The following LYPD6B variants were observed in gnomAD, a reference collection of about 807,000 sequenced individuals.
LYPD6B encodes ly6/PLAUR domain-containing protein 6B.
LYPD6B carries 17 observed loss-of-function variants against 22.8 expected under a neutral mutation model. The observed-to-expected ratio is 0.75, with a 90% confidence interval of 0.51 to 1.12. The LOEUF (loss-of-function observed/expected upper bound fraction) is 1.12. Among genes scored for constraint, LYPD6B ranks in the 50% most tolerant of loss-of-function variants. The pLI, the probability that LYPD6B is intolerant of heterozygous loss-of-function variation, is 0.00. For synonymous variants in LYPD6B, 106 were observed against 91.6 expected (o/e 1.16, Z -0.90); for missense variants, 221 against 258.3 (o/e 0.86, Z 0.99).
chr2:149,167,032 A>G (rs1690470035), intron 3 of LYPD6B, among the ~76,000 whole-genome samples: 1 of 151,910 alleles, frequency 6.6e-6, no homozygotes, highest in Non-Finnish European at 1.5e-5. Context: ...TGAAGAGTTT[A>G]TAATCCTCTT....
intron 2 of LYPD6B, among the ~76,000 whole-genome samples, chr2:149,133,855 C>T (rs1470471388): frequency 2.6e-5 from 4 of 152,068 alleles, no homozygotes; most frequent in African/African-American, 9.7e-5. Flanking sequence ...TTATTGAATG[C>T]CTTCTTGGTG....
intron 2 of LYPD6B, among the ~76,000 whole-genome samples, chr2:149,156,130 A>G (rs571140946): frequency 5.3e-5 from 8 of 152,318 alleles, no homozygotes; most frequent in Admixed American, 3.9e-4. Context: ...TGCTGTTTGC[A>G]GTGGAACCTC....
intron 1 of LYPD6B, among the ~76,000 whole-genome samples, chr2:149,044,363 G>C (rs1028427507): frequency 2.0e-5 from 3 of 151,948 alleles, no homozygotes; most frequent in African/African-American, 7.2e-5. Context: ...TTTATACTTA[G>C]GTATTTCATT....
At chr2:149,210,088 A>G (rs983868030) in intron 5 of LYPD6B, among the ~76,000 whole-genome samples, 1 of 152,194 alleles carries the variant, frequency 6.6e-6, no homozygotes, top group Non-Finnish European at 1.5e-5. Context: ...CCAACCTGGT[A>G]GGCCTTATCT....
intron 1 of LYPD6B, among the ~76,000 whole-genome samples, chr2:149,070,923 G>A (rs1684574934): frequency 6.6e-6 from 1 of 152,230 alleles, no homozygotes; most frequent in Non-Finnish European, 1.5e-5. Context: ...AAATGACAGA[G>A]CATATTCGCC....
chr2:149,098,643 A>AAAAAAAAAAAAAAAAAAAAAGAAAG (rs57783804), intron 1 of LYPD6B, among the ~76,000 whole-genome samples: 55 of 130,950 alleles, frequency 4.2e-4, no homozygotes, highest in Non-Finnish European at 6.0e-4. Flanking sequence ...AAAAAAAAAA[A>AAAAAAAAAAAAAAAAAAAAAGAAAG]AAAAAAGAAA....
chr2:149,181,029 A>G (rs1691681029), intron 3 of LYPD6B, among the ~76,000 whole-genome samples: 1 of 152,162 alleles, frequency 6.6e-6, no homozygotes. Flanking sequence ...TTACCCAAAT[A>G]AAATTTTGTC....
intron 1 of LYPD6B, among the ~76,000 whole-genome samples, chr2:149,078,334 A>G (rs1015172510): frequency 6.6e-6 from 1 of 152,162 alleles, no homozygotes; most frequent in Non-Finnish European, 1.5e-5. Context: ...AATGTTCTGT[A>G]CATATAACAT....
intron 2 of LYPD6B, among the ~76,000 whole-genome samples, chr2:149,148,431 C>G (rs1461558567): frequency 6.6e-6 from 1 of 152,174 alleles, no homozygotes; most frequent in Non-Finnish European, 1.5e-5. Context: ...GGGCAAAACA[C>G]TTAGAAGATC....
intron 3 of LYPD6B, among the ~76,000 whole-genome samples, chr2:149,172,551 T>C (rs1690914037): frequency 6.6e-6 from 1 of 152,074 alleles, no homozygotes; most frequent in Admixed American, 6.6e-5. Flanking sequence ...ACATCTGTTC[T>C]GTGGACCTCC....
intron 1 of LYPD6B, among the ~76,000 whole-genome samples, chr2:149,098,765 C>CTT (rs10658424): frequency 0.25 from 35,044 of 140,072 alleles, 4,776 homozygotes; most frequent in East Asian, 0.5. Flanking sequence ...TGTGCTTTTT[C>CTT]TTTTTTTTTT....
intron 1 of LYPD6B, among the ~76,000 whole-genome samples, chr2:149,104,290 C>T (rs368322254): frequency 2.6e-5 from 4 of 152,108 alleles, no homozygotes; most frequent in East Asian, 3.8e-4. Flanking sequence ...ATGGCTGGAA[C>T]ATTTGGTAGT....
chr2:149,065,179 TG>T (rs779849822), intron 1 of LYPD6B, among the ~76,000 whole-genome samples: 2 of 152,214 alleles, frequency 1.3e-5, no homozygotes, highest in African/African-American at 2.4e-5. Flanking sequence ...ACTGAATTCA[TG>T]GACTACCTCC....
chr2:149,062,660 T>C (rs368781203), intron 1 of LYPD6B, among the ~76,000 whole-genome samples: 19 of 152,074 alleles, frequency 1.2e-4, no homozygotes, highest in African/African-American at 4.1e-4. Flanking sequence ...ACGACAAGAA[T>C]AGACATGCAG....
intron 1 of LYPD6B, among the ~76,000 whole-genome samples, chr2:149,065,956 C>G (rs948663331): frequency 6.6e-6 from 1 of 152,090 alleles, no homozygotes; most frequent in South Asian, 2.1e-4. Context: ...AAGAGATCTG[C>G]CCACCTTGGC....
At chr2:149,191,663 A>G (rs1020779547) in intron 3 of LYPD6B, among the ~76,000 whole-genome samples, 1 of 152,232 alleles carries the variant, frequency 6.6e-6, no homozygotes, top group Non-Finnish European at 1.5e-5. Context: ...ATACTATATA[A>G]AAATTGAAAA....
Position 149,214,710 on chromosome 2 carries a change from A to T in LYPD6B, c.624A>T (p.Ter208CysextTer5). 6.2e-7 allele frequency: 1 copy of T among 1,613,922 alleles called. No individual in the cohort carries two copies. Among genetic ancestry groups the T allele is most frequent in the East Asian group, 2.2e-5 (1 of 44,860 alleles). ...GGGTCTTTGTGCTTCCATTGCTGTG[A>T]TGCCACCATTCCTAGGAGAGGCAGA... ...LAWVFVLPLL[*>C] Residue 208 changes from the stop codon to cysteine (C), a stop_lost, in exon 7 of 7, where the codon TGA becomes TGT. Transcript: ENST00000409642.
chr2:149,065,706 CTTAT>C (rs1205744223), intron 1 of LYPD6B, among the ~76,000 whole-genome samples: 1 of 151,998 alleles, frequency 6.6e-6, no homozygotes, highest in Non-Finnish European at 1.5e-5. Context: ...TCCAATACAA[CTTAT>C]TTATTTATTT....
chr2:149,183,172 G>A (rs1285694851), intron 3 of LYPD6B, among the ~76,000 whole-genome samples: 1 of 152,138 alleles, frequency 6.6e-6, no homozygotes, highest in Non-Finnish European at 1.5e-5. Flanking sequence ...TGTATCTACT[G>A]TACCTTATGC....
Sources: allele counts gnomAD v4.1 joint callset (sites outside exome capture counted in the v4.1 genomes callset), GRCh38; gene constraint gnomAD v4.1.1; transcripts MANE v1.5; gene names NCBI Gene and HGNC (gene_info 2026-07-23, HGNC 2026-07-21).